The following SMS variants were observed in gnomAD, a reference collection of about 807,000 sequenced individuals.
The protein encoded by SMS is spermine synthase, also known as spermidine aminopropyltransferase.
Under a neutral mutation model 33.0 loss-of-function variants are expected in SMS, and 3 were observed. That is an observed-to-expected ratio of 0.09 (90% CI 0.04 to 0.23). The LOEUF is 0.23. Ranked by LOEUF, SMS falls within the 10% of genes least tolerant of loss-of-function variation. The probability of loss-of-function intolerance (pLI) is 1.00; values close to 1 mark genes in which losing one functional copy is unlikely to be tolerated. For missense variants in SMS, 117 were observed against 288.6 expected (o/e 0.41, Z 4.31); for synonymous variants, 103 against 112.2 (o/e 0.92, Z 0.52).
At chrX:21,986,132 T>A (rs1203712108) in intron 9 of SMS, among the ~76,000 whole-genome samples, 2 of 110,156 alleles carry the variant, frequency 1.8e-5, no homozygotes, top group African/African-American at 3.3e-5. Context: ...TTGGATTATC[T>A]GAGGTCAGGA....
At chrX:21,944,236 T>C (rs1206889981) in intron 1 of SMS, among the ~76,000 whole-genome samples, 2 of 111,353 alleles carry the variant, frequency 1.8e-5, no homozygotes, top group Non-Finnish European at 3.8e-5. Context: ...AGTGAAGTAT[T>C]GGACTATAAG....
chrX:21,994,254 C>A (rs1602228975), intron 10 of SMS, 58 bp from the exon 11 acceptor site: 1 of 1,055,387 alleles, frequency 9.5e-7, no homozygotes, highest in Non-Finnish European at 1.3e-6. Context: ...AAACGAATTA[C>A]AAGTGATGTC....
chrX:21,992,030 T>G (rs1450585262), intron 9 of SMS, among the ~76,000 whole-genome samples: 1 of 112,138 alleles, frequency 8.9e-6, no homozygotes, highest in Non-Finnish European at 1.9e-5. Context: ...ATAATGAAGT[T>G]AAGAGAAAGT....
At chrX:21,957,067 C>G (rs1243190866) in intron 1 of SMS, among the ~76,000 whole-genome samples, 1 of 111,037 alleles carries the variant, frequency 9.0e-6, no homozygotes, top group Non-Finnish European at 1.9e-5. Context: ...AAGACCACTC[C>G]TTGCAGCCCC....
At chrX:21,945,625 T>A (rs1192643801) in intron 1 of SMS, among the ~76,000 whole-genome samples, 2 of 82,835 alleles carry the variant, frequency 2.4e-5, no homozygotes, top group Non-Finnish European at 4.5e-5. Context: ...ACATGTGCTT[T>A]GCTTCCCGTC....
intron 8 of SMS, 32 bp downstream of exon 8, chrX:21,984,450 G>C (rs1925188458): frequency 1.1e-6 from 1 of 874,169 alleles, no homozygotes; most frequent in Non-Finnish European, 1.7e-6. Context: ...ATTTATGATG[G>C]AAATGTTTCT....
chrX:21,981,015 G>T (rs1474710903), intron 7 of SMS, among the ~76,000 whole-genome samples: 4 of 111,856 alleles, frequency 3.6e-5, no homozygotes, highest in Admixed American at 2.9e-4. Flanking sequence ...GGAGAGGCAT[G>T]CTGTATTTCT....
At chrX:21,958,479 C>T (rs1396587655) in intron 1 of SMS, among the ~76,000 whole-genome samples, 2 of 112,197 alleles carry the variant, frequency 1.8e-5, no homozygotes, top group Non-Finnish European at 3.8e-5. Context: ...TGCTATATAA[C>T]TCCTTTATCG....
At chrX:21,943,808 T>G (rs1044387761) in intron 1 of SMS, among the ~76,000 whole-genome samples, 1 of 111,653 alleles carries the variant, frequency 9.0e-6, no homozygotes, top group African/African-American at 3.3e-5. Context: ...CTGGCTAGAT[T>G]GGGATCTAAG....
At chrX:21,990,086 A>G (rs970976069) in intron 9 of SMS, among the ~76,000 whole-genome samples, 2 of 111,944 alleles carry the variant, frequency 1.8e-5, no homozygotes, top group Non-Finnish European at 3.8e-5. Flanking sequence ...AGCCCAACAC[A>G]GGGAGACATA....
chrX:21,978,386 T>C (rs111637978), intron 6 of SMS, among the ~76,000 whole-genome samples: 1 of 111,147 alleles, frequency 9.0e-6, no homozygotes, highest in African/African-American at 3.3e-5. Flanking sequence ...ACCAGCCTGA[T>C]CGACATGGCG....
chrX:21,950,099 T>TG (rs1922500944), intron 1 of SMS, among the ~76,000 whole-genome samples: 1 of 111,889 alleles, frequency 8.9e-6, no homozygotes, highest in Admixed American at 9.5e-5. Flanking sequence ...GATGGGGTCT[T>TG]GCTGTGTTGC....
rs1160382456 is a variant in SMS, at chrX:21,994,236, A to AG, written c.1062-74dup. ...GCTTTTCATCCATCTTTCAATTTGT[A>AG]GGCCAGCAAACGAATTACAAGTGAT... On this transcript the variant is annotated intron_variant, in intron 10 of 10. Coordinates refer to ENST00000404933, the MANE Select transcript of SMS (RefSeq NM_004595.5). The AG allele has an allele frequency of 3.2e-6, 3 of 928,773 alleles. No homozygotes were observed. In the African/African-American group the frequency reaches 5.8e-5, roughly 18 times the overall value. The allele number at this position is 928,773 out of a possible 1,213,427, so 76.5% of individuals were successfully genotyped here.
At chrX:21,992,532 C>T (rs967227396) in intron 9 of SMS, 65 bp from the exon 10 acceptor site, 2 of 647,299 alleles carry the variant, frequency 3.1e-6, no homozygotes, top group African/African-American at 2.2e-5. Flanking sequence ...TATTAAAGAC[C>T]TTCAGATGAG....
chrX:21,941,357 C>T (rs1223559814), intron 1 of SMS: 1 of 244,830 alleles, frequency 4.1e-6, no homozygotes, highest in Non-Finnish European at 7.6e-6. Context: ...TTTTCCTGTT[C>T]TTGCAGGCGG....
chrX:21,944,522 C>CAAAAAAAAAAAAAAA (rs777680386), intron 1 of SMS, among the ~76,000 whole-genome samples: 11 of 34,696 alleles, frequency 3.2e-4, no homozygotes, highest in East Asian at 1.0e-3. Context: ...CCTGTCTCTA[C>CAAAAAAAAAAAAAAA]AAAAAAAAAA....
chrX:21,983,724 G>A (rs769093426), intron 7 of SMS, among the ~76,000 whole-genome samples: 37 of 111,495 alleles, frequency 3.3e-4, no homozygotes, highest in Middle Eastern at 4.3e-3. Context: ...TCAGTGCTTA[G>A]TATAAAAGAA....
intron 9 of SMS, among the ~76,000 whole-genome samples, chrX:21,986,001 A>G (rs1182658736): frequency 4.5e-5 from 5 of 110,881 alleles, no homozygotes; most frequent in African/African-American, 1.6e-4. Context: ...AGCCTGGGTG[A>G]CAGAGTGAGA....
chrX:21,954,247 C>A (rs1450105671), intron 1 of SMS, among the ~76,000 whole-genome samples: 1 of 111,783 alleles, frequency 8.9e-6, no homozygotes, highest in Non-Finnish European at 1.9e-5. Context: ...TTTGTGTGAC[C>A]CTCCAGCTAA....
Sources: gnomAD v4.1 joint callset for allele counts (sites outside exome capture counted in the v4.1 genomes callset) on GRCh38, gnomAD v4.1.1 for gene constraint, MANE v1.5 for transcripts, NCBI Gene and HGNC (gene_info 2026-07-23, HGNC 2026-07-21) for gene names.